Variants in ZDHHC21 observed in about 807,000 individuals in gnomAD.
ZDHHC21 encodes zDHHC palmitoyltransferase 21.
In ZDHHC21, 15 loss-of-function variants were observed where a neutral mutation model predicts 34.6. The observed-to-expected ratio is 0.43, with a 90% confidence interval of 0.29 to 0.67. The LOEUF (loss-of-function observed/expected upper bound fraction) is 0.67, where lower values mean the gene tolerates loss of function less well. Among genes scored for constraint, ZDHHC21 ranks in the 30% least tolerant of loss-of-function variants. ZDHHC21 has a pLI of 0.14. For missense variants in ZDHHC21, 344 were observed against 327.7 expected (o/e 1.05, Z -0.38); for synonymous variants, 142 against 101.8 (o/e 1.40, Z -2.38).
intron 7 of ZDHHC21, among the ~76,000 whole-genome samples, chr9:14,641,492 T>G (rs1829366828): frequency 6.6e-6 from 1 of 152,202 alleles, no homozygotes; most frequent in Non-Finnish European, 1.5e-5. Context: ...GCAATCATTC[T>G]TATGCATACT....
At position 14,658,893 on chromosome 9, in the gene ZDHHC21, G is replaced by C; in HGVS notation, c.366-6C>G. Reference sequence around the variant, plus strand: ...CACCAACACAATTGTTAATCCTAAAGAAAAAAAATGAAAAAGAAACAATAT... The same window carrying C: ...CACCAACACAATTGTTAATCCTAAACAAAAAAAATGAAAAAGAAACAATAT... On this transcript the variant is annotated splice_region_variant and splice_polypyrimidine_tract_variant and intron_variant, in intron 6 of 9. Coordinates refer to ENST00000380916, the MANE Select transcript of ZDHHC21 (RefSeq NM_178566.6). 1 of 1,579,212 alleles carries C rather than the reference G, an allele frequency of 6.3e-7. No homozygotes were observed. Among genetic ancestry groups the C allele is most frequent in the Non-Finnish European group, 8.6e-7 (1 of 1,166,654 alleles).
intron 2 of ZDHHC21, among the ~76,000 whole-genome samples, chr9:14,684,005 T>G (rs548515789): frequency 4.6e-5 from 7 of 152,346 alleles, no homozygotes; most frequent in Admixed American, 3.9e-4. Context: ...TCAACAGCCC[T>G]TCATGCTATA....
chr9:14,658,543 T>G (rs1462506321), intron 7 of ZDHHC21, among the ~76,000 whole-genome samples: 1 of 127,128 alleles, frequency 7.9e-6, no homozygotes, highest in African/African-American at 2.9e-5. Context: ...CAATCTCGGC[T>G]CACTGCAGGC....
At chr9:14,637,901 CT>C (rs1457535748) in intron 8 of ZDHHC21, among the ~76,000 whole-genome samples, 1 of 151,974 alleles carries the variant, frequency 6.6e-6, no homozygotes, top group African/African-American at 2.4e-5. Context: ...CAAAGGAAAG[CT>C]ATCCCATGAT....
chr9:14,641,124 C>T (rs1376924758), intron 7 of ZDHHC21, among the ~76,000 whole-genome samples: 1 of 152,080 alleles, frequency 6.6e-6, no homozygotes, highest in South Asian at 2.1e-4. Context: ...AATAGGAAGG[C>T]CACCAGAGAT....
At chr9:14,606,265 G>A (rs1564155782), downstream of ZDHHC21, among the ~76,000 whole-genome samples, 2 of 152,150 alleles carry the variant, frequency 1.3e-5, no homozygotes, top group Non-Finnish European at 2.9e-5. Context: ...CTCTGGATAA[G>A]CTTGGGACTA....
chr9:14,671,814 C>T (rs1239964462), intron 5 of ZDHHC21, among the ~76,000 whole-genome samples: 1 of 151,978 alleles, frequency 6.6e-6, no homozygotes, highest in African/African-American at 2.4e-5. Flanking sequence ...GTAAATTATA[C>T]TCAATAAACC....
chr9:14,649,442 T>C (rs1465959584), intron 7 of ZDHHC21, among the ~76,000 whole-genome samples: 1 of 152,152 alleles, frequency 6.6e-6, no homozygotes, highest in Middle Eastern at 3.4e-3. Flanking sequence ...TAAAATCCCA[T>C]GATACCTGTA....
intron 7 of ZDHHC21, among the ~76,000 whole-genome samples, chr9:14,647,975 C>A (rs1348871487): frequency 6.6e-6 from 1 of 152,074 alleles, no homozygotes; most frequent in Non-Finnish European, 1.5e-5. Flanking sequence ...ACATCTGTCC[C>A]TGGAAGTTAA....
chr9:14,632,158 T>A (rs751140982), intron 8 of ZDHHC21, among the ~76,000 whole-genome samples: 11 of 152,058 alleles, frequency 7.2e-5, no homozygotes, highest in Non-Finnish European at 1.0e-4. Context: ...AAATTAAGTG[T>A]TTATCAGAAT....
intron 3 of ZDHHC21, among the ~76,000 whole-genome samples, chr9:14,675,582 C>G (rs1836229539): frequency 6.6e-6 from 1 of 151,964 alleles, no homozygotes; most frequent in African/African-American, 2.4e-5. Flanking sequence ...ATGAGTTGAA[C>G]TCACTTAGTT....
chr9:14,659,035 A>C, intron 6 of ZDHHC21, 148 bp from the exon 7 acceptor site: 1 of 726,750 alleles, frequency 1.4e-6, no homozygotes, highest in Non-Finnish European at 2.2e-6. Flanking sequence ...AAAACAAACT[A>C]TACAGAGAAA....
At chr9:14,663,760 C>G (rs1325660080) in intron 5 of ZDHHC21, among the ~76,000 whole-genome samples, 3 of 152,080 alleles carry the variant, frequency 2.0e-5, no homozygotes, top group African/African-American at 4.8e-5. Flanking sequence ...TACTTGAAAT[C>G]TTATTTTAAA....
chr9:14,656,934 C>G (rs1397007615), intron 7 of ZDHHC21, among the ~76,000 whole-genome samples: 1 of 151,950 alleles, frequency 6.6e-6, no homozygotes, highest in African/African-American at 2.4e-5. Context: ...TTTTTAATCT[C>G]TTAATAAACA....
At chr9:14,691,954 T>C (rs941821233) in intron 1 of ZDHHC21, among the ~76,000 whole-genome samples, 3 of 152,206 alleles carry the variant, frequency 2.0e-5, no homozygotes, top group African/African-American at 7.2e-5. Flanking sequence ...TCTGATGGTA[T>C]AGAGAAAATA....
At chr9:14,621,271 T>C (rs1205675799) in intron 8 of ZDHHC21, among the ~76,000 whole-genome samples, 1 of 151,976 alleles carries the variant, frequency 6.6e-6, no homozygotes, top group Non-Finnish European at 1.5e-5. Context: ...AACTATTCCA[T>C]GGTATATAAG....
At chr9:14,608,710 T>C (rs1460288569), downstream of ZDHHC21, among the ~76,000 whole-genome samples, 2 of 152,164 alleles carry the variant, frequency 1.3e-5, no homozygotes, top group African/African-American at 4.8e-5. Context: ...TCAGTACTGT[T>C]TGCTCAGCTG....
At chr9:14,596,874 A>G in the ZDHHC21 span, among the ~76,000 whole-genome samples, 1 of 152,170 alleles carries the variant, frequency 6.6e-6, no homozygotes, top group African/African-American at 2.4e-5. Context: ...TAGAGAGAAC[A>G]TTGGAATTCA....
intron 2 of ZDHHC21, among the ~76,000 whole-genome samples, chr9:14,685,996 A>G (rs1838252949): frequency 6.6e-6 from 1 of 151,810 alleles, no homozygotes; most frequent in Non-Finnish European, 1.5e-5. Flanking sequence ...ATAGGTGGGA[A>G]CTGAACAGTG....
Sources: gnomAD v4.1 joint callset for allele counts (sites outside exome capture counted in the v4.1 genomes callset) on GRCh38, gnomAD v4.1.1 for gene constraint, MANE v1.5 for transcripts, NCBI Gene and HGNC (gene_info 2026-07-23, HGNC 2026-07-21) for gene names.